CERS6: variants seen among roughly 807,000 people sequenced by gnomAD.
CERS6 encodes the protein LAG1 homolog, ceramide synthase 6.
CERS6 carries 26 observed loss-of-function variants against 56.8 expected under a neutral mutation model. That is an observed-to-expected ratio of 0.46 (90% CI 0.34 to 0.63). The LOEUF is 0.63. CERS6 is among the 30% of genes least tolerant of loss of function. The pLI, the probability that CERS6 is intolerant of heterozygous loss-of-function variation, is 0.01. For synonymous variants in CERS6, 164 were observed against 173.3 expected (o/e 0.95, Z 0.42); for missense variants, 415 against 467.5 (o/e 0.89, Z 1.04).
intron 4 of CERS6, among the ~76,000 whole-genome samples, chr2:168,656,970 C>G (rs1685491936): frequency 6.6e-6 from 1 of 152,172 alleles, no homozygotes; most frequent in Non-Finnish European, 1.5e-5. Context: ...CAGCTAGATA[C>G]AGAGTGTCGA....
chr2:168,630,926 C>A, intron 3 of CERS6, 59 bp from the exon 4 acceptor site: 1 of 738,704 alleles, frequency 1.4e-6, no homozygotes, highest in Non-Finnish European at 2.2e-6. Flanking sequence ...TTACATATTT[C>A]AGTATATGCT....
chr2:168,708,085 CT>C, intron 6 of CERS6, among the ~76,000 whole-genome samples: 1 of 152,132 alleles, frequency 6.6e-6, no homozygotes, highest in Middle Eastern at 3.4e-3. Flanking sequence ...TATATTCATC[CT>C]GATCATCAGG....
At chr2:168,507,736 C>G (rs1053341340) in intron 1 of CERS6, among the ~76,000 whole-genome samples, 3 of 152,182 alleles carry the variant, frequency 2.0e-5, no homozygotes, top group Admixed American at 2.0e-4. Context: ...ATCAACTACC[C>G]TAAGATGATA....
chr2:168,501,456 T>C (rs1694579150), intron 1 of CERS6, among the ~76,000 whole-genome samples: 1 of 152,198 alleles, frequency 6.6e-6, no homozygotes, highest in South Asian at 2.1e-4. Context: ...TCCCACCTTG[T>C]GGTGGTTGAT....
intron 1 of CERS6, among the ~76,000 whole-genome samples, chr2:168,487,843 C>A (rs1195262888): frequency 6.6e-6 from 1 of 152,154 alleles, no homozygotes; most frequent in Non-Finnish European, 1.5e-5. Flanking sequence ...GCCTCAGCCT[C>A]CAGGTAGCTG....
At chr2:168,749,480 T>C (rs1684198727) in intron 8 of CERS6, among the ~76,000 whole-genome samples, 1 of 152,218 alleles carries the variant, frequency 6.6e-6, no homozygotes, top group Non-Finnish European at 1.5e-5. Context: ...CACTGAGAGC[T>C]GTCTCCACCC....
chr2:168,705,634 A>G (rs1686921049), intron 6 of CERS6, among the ~76,000 whole-genome samples: 2 of 152,324 alleles, frequency 1.3e-5, no homozygotes, highest in South Asian at 4.1e-4. Flanking sequence ...TTCTATCTAA[A>G]GCACAAAATT....
chr2:168,714,774 A>G (rs1282480171), intron 6 of CERS6, among the ~76,000 whole-genome samples: 12 of 152,082 alleles, frequency 7.9e-5, no homozygotes. Context: ...CTCTCCAGAT[A>G]CCAAATCTGC....
chr2:168,470,467 A>T (rs7419610), intron 1 of CERS6, among the ~76,000 whole-genome samples: 48,631 of 151,912 alleles, frequency 0.32, 9,501 homozygotes, highest in East Asian at 0.62. Context: ...ATGGCTTTTT[A>T]AAAAGGTGAT....
intron 8 of CERS6, among the ~76,000 whole-genome samples, chr2:168,735,740 G>A (rs1041149039): frequency 1.3e-5 from 2 of 151,800 alleles, no homozygotes; most frequent in African/African-American, 4.8e-5. Context: ...AAATCAGCCA[G>A]GCGTGATGTC....
intron 3 of CERS6, among the ~76,000 whole-genome samples, chr2:168,597,208 C>T (rs1454106291): frequency 1.3e-5 from 2 of 152,192 alleles, no homozygotes; most frequent in Non-Finnish European, 2.9e-5. Context: ...AACTTACATA[C>T]AGGGACAGTC....
At chr2:168,470,191 G>A (rs1339417102) in intron 1 of CERS6, among the ~76,000 whole-genome samples, 1 of 140,858 alleles carries the variant, frequency 7.1e-6, no homozygotes, top group Non-Finnish European at 1.5e-5. Flanking sequence ...GAGCAACCTA[G>A]TGAGACCCTG....
chr2:168,456,628 G>A lies in CERS6; in HGVS notation c.170+10G>A. The A allele has an allele frequency of 6.2e-7, 1 of 1,612,294 alleles. No individual in the cohort carries two copies. The highest frequency in any genetic ancestry group is 8.5e-7 in the Non-Finnish European group (1 of 1,178,904). On this transcript the variant is annotated intron_variant, in intron 1 of 9. Coordinates refer to ENST00000305747, the MANE Select transcript of CERS6 (RefSeq NM_203463.3). This position sits in a 1 kb window ranked among gnomAD's most constrained non-coding sequence, Gnocchi z 4.1. ...GGCTCATCTTCGAGAGGTAAGAAGGGCTGAAGCCCCTCCTCCCCTCCCCCT... is the reference window on the plus strand; with the variant it reads ...GGCTCATCTTCGAGAGGTAAGAAGGACTGAAGCCCCTCCTCCCCTCCCCCT...
rs76265371 is a variant in CERS6 at position 168,590,263 on chromosome 2, G to A, written c.407+28941G>A. On this transcript the variant is annotated intron_variant, in intron 3 of 9. Coordinates refer to ENST00000305747, the MANE Select transcript of CERS6 (RefSeq NM_203463.3). ...AGTGAAGCCTCTCCTTTGGTTTAAA[G>A]GCTGTGCTTTAATTTGATCTTTTGG... Among the ~76,000 whole-genome samples the A allele has an allele frequency of 2.8e-3, 419 of 152,304 alleles. 4 individuals carry two copies. The highest frequency in any genetic ancestry group is 9.2e-3 in the African/African-American group (382 of 41,556).
chr2:168,502,328 G>A (rs547253067), intron 1 of CERS6, among the ~76,000 whole-genome samples: 1 of 152,172 alleles, frequency 6.6e-6, no homozygotes, highest in South Asian at 2.1e-4. Context: ...TGTCTTTTGT[G>A]AGACAGTCAG....
chr2:168,705,855 A>G (rs1686927078), intron 6 of CERS6, among the ~76,000 whole-genome samples: 1 of 152,222 alleles, frequency 6.6e-6, no homozygotes, highest in Non-Finnish European at 1.5e-5. Context: ...AACAAAAAAA[A>G]AATGGAGAGT....
intron 3 of CERS6, among the ~76,000 whole-genome samples, chr2:168,596,511 G>C (rs1683799933): frequency 1.3e-5 from 2 of 150,412 alleles, no homozygotes; most frequent in African/African-American, 4.9e-5. Context: ...TTTTTTACTT[G>C]CCTTCATTCA....
chr2:168,478,817 C>A (rs895171403), intron 1 of CERS6, among the ~76,000 whole-genome samples: 5 of 152,116 alleles, frequency 3.3e-5, no homozygotes, highest in Non-Finnish European at 7.4e-5. Flanking sequence ...TAGAATTTTA[C>A]CCTGTTTAAT....
At chr2:168,531,681 C>T (rs1054599740) in intron 1 of CERS6, among the ~76,000 whole-genome samples, 3 of 151,934 alleles carry the variant, frequency 2.0e-5, no homozygotes, top group Non-Finnish European at 2.9e-5. Flanking sequence ...ATTAGCCAGG[C>T]GTGGTGGCAG....
Sources: allele counts gnomAD v4.1 joint callset (sites outside exome capture counted in the v4.1 genomes callset), GRCh38; gene constraint gnomAD v4.1.1; non-coding constraint Gnocchi (gnomAD v3.1); transcripts MANE v1.5; gene names NCBI Gene and HGNC (gene_info 2026-07-23, HGNC 2026-07-21).